Variants in ZNF385D observed in about 807,000 individuals in gnomAD.
ZNF385D encodes the protein zinc finger protein 659.
A neutral mutation model predicts 35.8 loss-of-function variants in ZNF385D; 15 were observed. The observed-to-expected ratio is 0.42, with a 90% CI of 0.28 to 0.64. The LOEUF (loss-of-function observed/expected upper bound fraction) is 0.64. Ranked by LOEUF, ZNF385D falls within the 30% of genes least tolerant of loss-of-function variation. The probability of loss-of-function intolerance (pLI) is 0.23; values close to 1 mark genes in which losing one functional copy is unlikely to be tolerated. For synonymous variants in ZNF385D, 212 were observed against 186.8 expected (o/e 1.13, Z -1.10); for missense variants, 474 against 494.6 (o/e 0.96, Z 0.39).
chr3:21,701,154 G>A (rs2067667486), intron 1 of ZNF385D, among the ~76,000 whole-genome samples: 1 of 152,164 alleles, frequency 6.6e-6, no homozygotes, highest in Non-Finnish European at 1.5e-5. Context: ...ACAGCACTCT[G>A]CAGGTATGTG....
chr3:22,130,660 CCA>C (rs1424072686), intron 3 of ZNF385D, among the ~76,000 whole-genome samples: 1 of 152,132 alleles, frequency 6.6e-6, no homozygotes, highest in African/African-American at 2.4e-5. Context: ...TTCTCTCTTC[CCA>C]CACCATTTGA....
intron 3 of ZNF385D, among the ~76,000 whole-genome samples, chr3:22,032,015 C>T (rs1698032399): frequency 6.6e-6 from 1 of 152,190 alleles, no homozygotes; most frequent in African/African-American, 2.4e-5. Context: ...AAAATGCCAC[C>T]AGTCTTTCTG....
At chr3:21,880,934 G>C (rs1698245570) in intron 3 of ZNF385D, among the ~76,000 whole-genome samples, 1 of 151,994 alleles carries the variant, frequency 6.6e-6, no homozygotes, top group South Asian at 2.1e-4. Context: ...TAAAGCCAAA[G>C]CCTAATCCAG....
chr3:21,442,739 T>G (rs1476036363), intron 4 of ZNF385D, among the ~76,000 whole-genome samples: 1 of 151,560 alleles, frequency 6.6e-6, no homozygotes, highest in African/African-American at 2.4e-5. Flanking sequence ...ATGGGAATTA[T>G]GGGAAAGGGA....
intron 2 of ZNF385D, among the ~76,000 whole-genome samples, chr3:22,300,319 C>G (rs557051922): frequency 1.3e-5 from 2 of 151,232 alleles, no homozygotes; most frequent in Admixed American, 1.3e-4. Flanking sequence ...AAGTGTAAAG[C>G]CAGAGACTAT....
At chr3:22,145,361 A>T (rs1704786018) in intron 3 of ZNF385D, among the ~76,000 whole-genome samples, 1 of 152,234 alleles carries the variant, frequency 6.6e-6, no homozygotes, top group Non-Finnish European at 1.5e-5. Context: ...CTAAGCTTAT[A>T]CAGCCTGCAA....
rs182791303 is a variant in ZNF385D, at chr3:21,894,225, A to G, written c.326-229197T>C. 9.1e-4 allele frequency among the ~76,000 whole-genome samples: 138 copies of G among 152,312 alleles called. 1 individual carries two copies. The highest frequency in any genetic ancestry group is 1.6e-3 in the Non-Finnish European group (107 of 68,006). ...CAACAGTATTACCTCTATAATAATT[A>G]AAGTTAAACAAATTGAGACCATTAG... On this transcript the variant is annotated intron_variant, in intron 3 of 5. Transcript: ENST00000494108.
At chr3:22,139,565 T>A (rs1375707699) in intron 3 of ZNF385D, among the ~76,000 whole-genome samples, 1 of 141,844 alleles carries the variant, frequency 7.1e-6, no homozygotes, top group Non-Finnish European at 1.5e-5. Context: ...AATTGAACAA[T>A]GAGAACACAT....
intron 3 of ZNF385D, among the ~76,000 whole-genome samples, chr3:21,827,003 G>T (rs1694685152): frequency 1.3e-5 from 2 of 152,028 alleles, no homozygotes; most frequent in African/African-American, 4.8e-5. Flanking sequence ...TCCTCTCTGT[G>T]CCTCTGCTTC....
At chr3:21,595,456 G>C (rs1250405272) in intron 2 of ZNF385D, among the ~76,000 whole-genome samples, 1 of 148,932 alleles carries the variant, frequency 6.7e-6, no homozygotes, top group Non-Finnish European at 1.5e-5. Flanking sequence ...TATGTAATAT[G>C]TATATGTAAT....
intron 3 of ZNF385D, among the ~76,000 whole-genome samples, chr3:22,065,571 A>G (rs1281895405): frequency 6.6e-6 from 1 of 152,152 alleles, no homozygotes; most frequent in Non-Finnish European, 1.5e-5. Context: ...TCCTTACACA[A>G]GAGGAAATTG....
intron 3 of ZNF385D, among the ~76,000 whole-genome samples, chr3:21,796,635 T>C (rs1314435140): frequency 3.3e-5 from 5 of 152,124 alleles, no homozygotes. Flanking sequence ...ATCACAGACA[T>C]AAATGTAAAA....
intron 2 of ZNF385D, among the ~76,000 whole-genome samples, chr3:22,304,785 T>C (rs1158388310): frequency 6.6e-6 from 1 of 152,172 alleles, no homozygotes; most frequent in Admixed American, 6.5e-5. Flanking sequence ...ATATAAGAAC[T>C]ATTTTTCATT....
At chr3:22,240,457 G>A (rs1452655723) in intron 2 of ZNF385D, among the ~76,000 whole-genome samples, 11 of 150,884 alleles carry the variant, frequency 7.3e-5, no homozygotes, top group Admixed American at 4.0e-4. Context: ...CCTACATCAT[G>A]TTTAGTTGTA....
rs1183853089 is a variant in ZNF385D, at chr3:21,539,616, T to A, written c.276+24958A>T. On this transcript the variant is annotated intron_variant, in intron 3 of 7. Transcript: ENST00000281523. This position sits in a 1 kb window ranked among gnomAD's most constrained non-coding sequence, Gnocchi z 4.0. ...TATTGTTTCAGATTTTATAAAGTGA[T>A]AAAAATACAACAAAATACAAGAAAG... is the stretch of plus-strand genomic sequence containing the variant. 1.3e-5 allele frequency among the ~76,000 whole-genome samples: 2 copies of A among 152,074 alleles called. No homozygotes were observed. The highest frequency in any genetic ancestry group is 4.1e-4 in the South Asian group (2 of 4,834).
chr3:21,758,804 G>C (rs953328866), intron 3 of ZNF385D, among the ~76,000 whole-genome samples: 1 of 151,298 alleles, frequency 6.6e-6, no homozygotes, highest in Non-Finnish European at 1.5e-5. Context: ...TTTTCACCTA[G>C]TTTTGTATGA....
intron 3 of ZNF385D, among the ~76,000 whole-genome samples, chr3:22,137,894 A>T (rs931391367): frequency 2.0e-5 from 3 of 152,084 alleles, no homozygotes; most frequent in Non-Finnish European, 4.4e-5. Context: ...CTGTTTGCAG[A>T]TGACATGATT....
intron 2 of ZNF385D, among the ~76,000 whole-genome samples, chr3:22,299,234 T>A (rs1702766550): frequency 6.6e-6 from 1 of 151,878 alleles, no homozygotes. Flanking sequence ...AGATTATAAT[T>A]TATATAATGA....
chr3:21,518,503 C>A (rs1707716925), intron 3 of ZNF385D, among the ~76,000 whole-genome samples: 1 of 152,054 alleles, frequency 6.6e-6, no homozygotes, highest in Admixed American at 6.6e-5. Flanking sequence ...CTAGAGGAAC[C>A]CCCTTGTCAA....
Sources: allele counts gnomAD v4.1 joint callset (sites outside exome capture counted in the v4.1 genomes callset), GRCh38; gene constraint gnomAD v4.1.1; non-coding constraint Gnocchi (gnomAD v3.1); transcripts MANE v1.5; gene names NCBI Gene and HGNC (gene_info 2026-07-23, HGNC 2026-07-21).